The following ARB2A variants were observed in gnomAD, a reference collection of about 807,000 sequenced individuals.
The protein encoded by ARB2A is ARB2 cotranscriptional regulator A.
At chr5:93,884,064 T>G in the ARB2A span, among the ~76,000 whole-genome samples, 1 of 151,454 alleles carries the variant, frequency 6.6e-6, no homozygotes, top group African/African-American at 2.4e-5. Context: ...TTAATGATAA[T>G]ATGAAAAATT....
the ARB2A span, among the ~76,000 whole-genome samples, chr5:94,032,038 A>C: frequency 1.3e-5 from 2 of 152,118 alleles, no homozygotes; most frequent in Non-Finnish European, 2.9e-5. Context: ...GATGCAGCAA[A>C]CTGCCTGGGA....
At chr5:93,842,128 G>A in the ARB2A span, among the ~76,000 whole-genome samples, 1 of 152,182 alleles carries the variant, frequency 6.6e-6, no homozygotes, top group Non-Finnish European at 1.5e-5. Context: ...TAGAATGGAG[G>A]TCAGTGGTCA....
chr5:93,915,325 C>T, the ARB2A span, among the ~76,000 whole-genome samples: 3 of 151,684 alleles, frequency 2.0e-5, no homozygotes, highest in African/African-American at 7.3e-5. Flanking sequence ...CCATCAAAGA[C>T]AAGTTGCATT....
chr5:93,995,920 T>C, the ARB2A span, among the ~76,000 whole-genome samples: 2 of 152,158 alleles, frequency 1.3e-5, no homozygotes, highest in South Asian at 4.1e-4. Flanking sequence ...AAATACAGTA[T>C]TGGGTATGTA....
chr5:93,686,539 G>T, the ARB2A span, among the ~76,000 whole-genome samples: 1 of 151,802 alleles, frequency 6.6e-6, no homozygotes. Flanking sequence ...AAATCTTTAC[G>T]GCTTCCAGTC....
chr5:93,691,200 G>T, the ARB2A span, among the ~76,000 whole-genome samples: 2 of 152,024 alleles, frequency 1.3e-5, no homozygotes, highest in Non-Finnish European at 2.9e-5. Context: ...AGAAGTAGGA[G>T]TCAGAAGATG....
the ARB2A span, among the ~76,000 whole-genome samples, chr5:93,677,856 T>C: frequency 6.6e-6 from 1 of 152,174 alleles, no homozygotes; most frequent in East Asian, 1.9e-4. Context: ...GAGACCAAAC[T>C]GGGCCTTGGT....
chr5:93,843,204 T>C, the ARB2A span, among the ~76,000 whole-genome samples: 3 of 152,140 alleles, frequency 2.0e-5, no homozygotes, highest in African/African-American at 4.8e-5. Context: ...TGCTTAGAGA[T>C]TCCAATTACT....
chr5:93,780,101 A>C, the ARB2A span, among the ~76,000 whole-genome samples: 1 of 152,132 alleles, frequency 6.6e-6, no homozygotes, highest in East Asian at 1.9e-4. Flanking sequence ...ATTTTTATTC[A>C]TTTTTATTGC....
the ARB2A span, among the ~76,000 whole-genome samples, chr5:93,921,157 T>TAAA: frequency 0.01 from 1,259 of 124,096 alleles, 18 homozygotes; most frequent in Middle Eastern, 0.034. Flanking sequence ...AAGACCATGT[T>TAAA]AAAAAAAAAA....
At chr5:93,991,268 CT>C in the ARB2A span, among the ~76,000 whole-genome samples, 1 of 152,016 alleles carries the variant, frequency 6.6e-6, no homozygotes, top group Non-Finnish European at 1.5e-5. Context: ...TAAACTATCC[CT>C]AGAATGATCA....
At chr5:93,761,820 T>G in the ARB2A span, among the ~76,000 whole-genome samples, 2 of 152,184 alleles carry the variant, frequency 1.3e-5, no homozygotes, top group Non-Finnish European at 2.9e-5. Context: ...AGGGGCAGAC[T>G]GACACCTCAC....
the ARB2A span, among the ~76,000 whole-genome samples, chr5:93,986,403 TG>T: frequency 4.3e-4 from 62 of 145,200 alleles, no homozygotes; most frequent in African/African-American, 1.5e-3. Context: ...CTCTGGGAGG[TG>T]GGGGGCGCCT....
the ARB2A span, among the ~76,000 whole-genome samples, chr5:93,682,630 TA>T: frequency 3.3e-5 from 5 of 152,194 alleles, no homozygotes; most frequent in African/African-American, 1.2e-4. Flanking sequence ...CATACATACT[TA>T]AAACCAAGCA....
the ARB2A span, among the ~76,000 whole-genome samples, chr5:93,888,372 T>C: frequency 6.6e-6 from 1 of 151,880 alleles, no homozygotes; most frequent in Non-Finnish European, 1.5e-5. Flanking sequence ...GTTAAAACTG[T>C]TGCCCAGTCA....
the ARB2A span, among the ~76,000 whole-genome samples, chr5:93,773,882 C>T: frequency 6.6e-6 from 1 of 152,190 alleles, no homozygotes; most frequent in Non-Finnish European, 1.5e-5. Context: ...ATCCTCTTGC[C>T]TCAGCCTCCT....
At chr5:93,712,445 T>A in the ARB2A span, among the ~76,000 whole-genome samples, 18 of 152,130 alleles carry the variant, frequency 1.2e-4, no homozygotes, top group Non-Finnish European at 2.1e-4. Flanking sequence ...TACATGAGGT[T>A]GCAGCCAGTA....
chr5:93,741,139 T>C, the ARB2A span: 9 of 1,613,664 alleles, frequency 5.6e-6, no homozygotes, highest in African/African-American at 9.3e-5. Flanking sequence ...GGCCTGCGAG[T>C]ACCCTAGGCT....
At chr5:93,764,858 G>T in the ARB2A span, among the ~76,000 whole-genome samples, 1 of 152,166 alleles carries the variant, frequency 6.6e-6, no homozygotes, top group Admixed American at 6.5e-5. Context: ...GATCAAGTGG[G>T]CTTCATTCCT....
Sources: allele counts gnomAD v4.1 joint callset (sites outside exome capture counted in the v4.1 genomes callset), GRCh38; gene constraint gnomAD v4.1.1; transcripts MANE v1.5; gene names NCBI Gene and HGNC (gene_info 2026-07-23, HGNC 2026-07-21).